PPP2R3C: variants seen among roughly 807,000 people sequenced by gnomAD.
PPP2R3C encodes protein phosphatase 2 regulatory subunit B''gamma, also known as serine/threonine-protein phosphatase 2A regulatory subunit B'' subunit gamma.
Under a neutral mutation model 63.7 loss-of-function variants are expected in PPP2R3C, and 47 were observed. The ratio of observed to expected loss-of-function variants is 0.74; its 90% CI spans 0.58 to 0.94. The LOEUF (loss-of-function observed/expected upper bound fraction) is 0.94. Among genes scored for constraint, PPP2R3C ranks in the 40% least tolerant of loss-of-function variants. The pLI, the probability that PPP2R3C is intolerant of heterozygous loss-of-function variation, is 0.00. For missense variants in PPP2R3C, 421 were observed against 518.4 expected (o/e 0.81, Z 1.82); for synonymous variants, 180 against 177.4 (o/e 1.01, Z -0.12).
chr14:35,111,849 C>A (rs1436957862), intron 2 of PPP2R3C, among the ~76,000 whole-genome samples: 1 of 152,256 alleles, frequency 6.6e-6, no homozygotes, highest in East Asian at 1.9e-4. Flanking sequence ...ATTCCCTAGC[C>A]CCTGCCTACC....
intron 3 of PPP2R3C, 169 bp downstream of exon 3, chr14:35,110,356 T>C (rs1041074851): frequency 1.8e-6 from 1 of 562,598 alleles, no homozygotes; most frequent in African/African-American, 1.9e-5. Flanking sequence ...TTGGGGTACA[T>C]GACCCATGCA....
rs201403377 is a variant in PPP2R3C, at chr14:35,110,540, A to T, written c.276T>A (p.Asp92Glu). ...TTGTTCTTACCTGTAATTCTTCATT[A>T]TCTAACAGTTCTCTGCTTTTTCTTT... Reference protein sequence around the residue: ...FLQRKSRELLDNEELQNLWFL... With the variant: ...FLQRKSRELLENEELQNLWFL... Residue 92 changes from aspartate to glutamate, a missense_variant, in exon 3 of 13, where the codon GAT (aspartate) becomes GAA (glutamate). Coordinates refer to ENST00000261475, the MANE Select transcript of PPP2R3C (RefSeq NM_017917.4). The T allele has an allele frequency of 1.7e-5, 27 of 1,606,814 alleles. No individual in the cohort carries two copies. The African/African-American group carries it at 2.8e-4, about 17-fold the overall frequency.
chr14:35,106,522 T>A (rs1213839065), intron 6 of PPP2R3C: 1 of 152,278 alleles, frequency 6.6e-6, no homozygotes, highest in East Asian at 1.9e-4. Flanking sequence ...TTTCTATTTT[T>A]AGTAGAGATG....
At chr14:35,119,322 G>A (rs557891231) in intron 1 of PPP2R3C, among the ~76,000 whole-genome samples, 14 of 150,052 alleles carry the variant, frequency 9.3e-5, no homozygotes, top group African/African-American at 3.4e-4. Flanking sequence ...ACAGGTGTAA[G>A]CCACAGTGCC....
chr14:35,089,891 T>A (rs1004058748), intron 11 of PPP2R3C, among the ~76,000 whole-genome samples: 1 of 151,862 alleles, frequency 6.6e-6, no homozygotes, highest in Non-Finnish European at 1.5e-5. Context: ...GGTTTTGATC[T>A]CCTGACCTTG....
At chr14:35,104,755 G>T (rs187956937) in intron 6 of PPP2R3C, among the ~76,000 whole-genome samples, 1 of 151,910 alleles carries the variant, frequency 6.6e-6, no homozygotes, top group Non-Finnish European at 1.5e-5. Flanking sequence ...TTTTTCTTTT[G>T]AGACAGTCTT....
At chr14:35,086,957 CCG>C (rs1478029809) in intron 12 of PPP2R3C, 3 of 151,058 alleles carry the variant, frequency 2.0e-5, no homozygotes, top group Non-Finnish European at 2.9e-5. Flanking sequence ...ACCACCACAC[CCG>C]GCTAACAAGG....
chr14:35,120,572 T>C (rs760250326), intron 1 of PPP2R3C, among the ~76,000 whole-genome samples: 3 of 152,136 alleles, frequency 2.0e-5, no homozygotes, highest in Non-Finnish European at 4.4e-5. Context: ...TAATGAGATA[T>C]ATATTAAAAT....
Position 35,109,842 on chromosome 14 carries a change from A to G in PPP2R3C, c.381T>C (p.Gly127=), listed in dbSNP as rs75803663. ...MINYENFLKV[G]EKAGAKCKQF... ...ACTTGCACTTTGCTCCAGCCTTTTC[A>G]CCAACCTTCAAAAAGTTTTCGTAAT... Residue 127 remains glycine, a synonymous_variant, in exon 4 of 13, where the codon GGT becomes GGC. Coordinates refer to ENST00000261475, the MANE Select transcript of PPP2R3C (RefSeq NM_017917.4). The G allele has an allele frequency of 5.8e-4, 932 of 1,600,218 alleles. 11 individuals are homozygous for G. In the African/African-American group the frequency reaches 0.011, roughly 19 times the overall value.
chr14:35,100,753 C>T (rs1194221439), intron 6 of PPP2R3C: 1 of 152,174 alleles, frequency 6.6e-6, no homozygotes, highest in African/African-American at 2.4e-5. Context: ...CCACCTCAGC[C>T]TCCTGAATAG....
chr14:35,098,495 A>G (rs1313364860), intron 7 of PPP2R3C, among the ~76,000 whole-genome samples: 1 of 151,200 alleles, frequency 6.6e-6, no homozygotes, highest in Non-Finnish European at 1.5e-5. Flanking sequence ...TACAGGTGTG[A>G]GCCACCGTGT....
At chr14:35,101,883 T>C (rs2046202781) in intron 6 of PPP2R3C, 1 of 152,150 alleles carries the variant, frequency 6.6e-6, no homozygotes, top group African/African-American at 2.4e-5. Flanking sequence ...TGTTTTCTTT[T>C]TACTTTAACA....
At chr14:35,101,766 T>C (rs2046198401) in intron 6 of PPP2R3C, 1 of 152,222 alleles carries the variant, frequency 6.6e-6, no homozygotes, top group Non-Finnish European at 1.5e-5. Flanking sequence ...TATATCTTTG[T>C]CCAGTTTTTT....
chr14:35,092,201 T>C (rs1485049994), intron 10 of PPP2R3C, among the ~76,000 whole-genome samples: 1 of 152,112 alleles, frequency 6.6e-6, no homozygotes, highest in East Asian at 1.9e-4. Context: ...CCGAGGCAGC[T>C]GAGACTACAG....
intron 6 of PPP2R3C, among the ~76,000 whole-genome samples, chr14:35,104,556 A>G (rs2046290316): frequency 6.6e-6 from 1 of 152,158 alleles, no homozygotes; most frequent in South Asian, 2.1e-4. Flanking sequence ...GTAAGTCCAT[A>G]TAATTTAGAT....
At chr14:35,091,327 TTATGA>T (rs2045809707) in intron 10 of PPP2R3C, 120 bp from the exon 11 acceptor site, 4 of 974,054 alleles carry the variant, frequency 4.1e-6, no homozygotes, top group East Asian at 2.7e-5. Context: ...TTTCCCTAAG[TTATGA>T]TATGAGAAAT....
intron 6 of PPP2R3C, chr14:35,102,298 ACAGGCGTGAGCCACTGTGCCTTCCCATG>A: frequency 6.6e-6 from 1 of 152,362 alleles, no homozygotes; most frequent in South Asian, 2.1e-4. Context: ...TGCTGGAATT[ACAGGCGTGAGCCACTGTGCCTTCCCATG>A]GTTTCTTATA....
At chr14:35,086,443 C>G (rs1254833366) in intron 12 of PPP2R3C, 2 of 151,510 alleles carry the variant, frequency 1.3e-5, no homozygotes, top group African/African-American at 4.8e-5. Context: ...AAGTAATCTG[C>G]CTGCTTTGGC....
rs1007947622 is a variant in PPP2R3C, at chr14:35,096,640, G to A, written c.763-7C>T. The A allele has an allele frequency of 1.2e-6, 2 of 1,612,474 alleles. No individual in the cohort carries two copies. Among genetic ancestry groups the A allele is most frequent in the Non-Finnish European group, 1.7e-6 (2 of 1,179,474 alleles). ...ACAGTTCCTCATCCCTTAGCTAATG[G>A]AACACAAAGACATAATTAGAAGATA... On this transcript the variant is annotated splice_polypyrimidine_tract_variant and splice_region_variant and intron_variant, in intron 8 of 12. Transcript: ENST00000261475.
Sources: allele counts gnomAD v4.1 joint callset (sites outside exome capture counted in the v4.1 genomes callset), GRCh38; gene constraint gnomAD v4.1.1; transcripts MANE v1.5; gene names NCBI Gene and HGNC (gene_info 2026-07-23, HGNC 2026-07-21).